The following SPAG1 variants were observed in gnomAD, a reference collection of about 807,000 sequenced individuals.
SPAG1 encodes the protein sperm-associated antigen 1.
A neutral mutation model predicts 100.5 loss-of-function variants in SPAG1; 69 were observed. The ratio of observed to expected loss-of-function variants is 0.69; its 90% CI spans 0.57 to 0.84. SPAG1 has a LOEUF of 0.84. Ranked by LOEUF, SPAG1 falls within the 40% of genes least tolerant of loss-of-function variation. The probability of loss-of-function intolerance (pLI) is 0.00; values close to 1 mark genes in which losing one functional copy is unlikely to be tolerated. For missense variants in SPAG1, 955 were observed against 1,133.1 expected, an observed-to-expected ratio of 0.84 and a Z score of 2.26; for synonymous variants, 336 against 411.6, an observed-to-expected ratio of 0.82 and a Z score of 2.22.
chr8:100,219,295 T>A (rs114708832), intron 12 of SPAG1, among the ~76,000 whole-genome samples: 1 of 152,224 alleles, frequency 6.6e-6, no homozygotes, highest in East Asian at 1.9e-4. Context: ...ACTTGTTATA[T>A]TAACTGTTTA....
intron 14 of SPAG1, among the ~76,000 whole-genome samples, chr8:100,229,389 A>G (rs1039302965): frequency 1.3e-5 from 2 of 152,080 alleles, no homozygotes; most frequent in African/African-American, 2.4e-5. Flanking sequence ...CACCCACCGC[A>G]CTCCAGCCCG....
At chr8:100,167,831 C>T (rs565206078) in intron 3 of SPAG1, among the ~76,000 whole-genome samples, 1 of 152,348 alleles carries the variant, frequency 6.6e-6, no homozygotes, top group South Asian at 2.1e-4. Context: ...GTGTAGACCC[C>T]ACTGCCTGGC....
At position 100,231,255 on chromosome 8, in the gene SPAG1, T is replaced by C; in HGVS notation, c.1955T>C (p.Ile652Thr). 6 of 1,599,564 alleles carry C rather than the reference T, an allele frequency of 3.8e-6. No individual in the cohort carries two copies. Among genetic ancestry groups the C allele is most frequent in the Non-Finnish European group, 5.1e-6 (6 of 1,170,506 alleles). Residue 652 changes from isoleucine to threonine, a missense_variant, in exon 15 of 19, where the codon ATT becomes ACT. Coordinates refer to ENST00000388798, the MANE Select transcript of SPAG1 (RefSeq NM_003114.5). Reference sequence around the variant, plus strand: ...AGTAAATACAGCGAATGCTTAAAGATTAACAATAAGGAATGTGCCATATAT... The same window carrying C: ...AGTAAATACAGCGAATGCTTAAAGACTAACAATAAGGAATGTGCCATATAT... ...ALSKYSECLK[I>T]NNKECAIYTN...
intron 3 of SPAG1, among the ~76,000 whole-genome samples, chr8:100,174,239 A>G (rs1277814723): frequency 6.6e-6 from 1 of 152,254 alleles, no homozygotes; most frequent in African/African-American, 2.4e-5. Flanking sequence ...TGTTATATAG[A>G]TTATATACTG....
intron 10 of SPAG1, among the ~76,000 whole-genome samples, chr8:100,196,055 C>G (rs1817017348): frequency 6.6e-6 from 1 of 152,190 alleles, no homozygotes; most frequent in South Asian, 2.1e-4. Context: ...GTATCATTGT[C>G]TCATTCCTTT....
At chr8:100,183,524 T>C (rs905171626) in intron 5 of SPAG1, 88 bp downstream of exon 5, 9 of 646,240 alleles carry the variant, frequency 1.4e-5, no homozygotes, top group Non-Finnish European at 2.4e-5. Flanking sequence ...ATAATTATTA[T>C]AAACCTTAAC....
chr8:100,203,363 C>T (rs1478159919), intron 10 of SPAG1, among the ~76,000 whole-genome samples: 1 of 152,082 alleles, frequency 6.6e-6, no homozygotes, highest in Non-Finnish European at 1.5e-5. Flanking sequence ...TTCTGTCCCT[C>T]TAGAGAAACC....
chr8:100,166,898 C>A (rs2132202782), intron 3 of SPAG1, among the ~76,000 whole-genome samples: 2 of 152,094 alleles, frequency 1.3e-5, no homozygotes, highest in East Asian at 3.9e-4. Flanking sequence ...CAGAGTGAGA[C>A]CCTGTCTAAA....
At chr8:100,224,682 G>A (rs1452776755) in intron 13 of SPAG1, among the ~76,000 whole-genome samples, 3 of 152,192 alleles carry the variant, frequency 2.0e-5, no homozygotes, top group Non-Finnish European at 4.4e-5. Flanking sequence ...GCCCTTACCA[G>A]TGTTGGCAGC....
chr8:100,209,838 C>A (rs1347579515), intron 10 of SPAG1, among the ~76,000 whole-genome samples: 1 of 151,092 alleles, frequency 6.6e-6, no homozygotes, highest in Non-Finnish European at 1.5e-5. Flanking sequence ...TGATCTTATA[C>A]CCTACAACTT....
intron 8 of SPAG1, 105 bp from the exon 9 acceptor site, chr8:100,191,285 C>T: frequency 1.4e-6 from 1 of 694,990 alleles, no homozygotes; most frequent in Non-Finnish European, 2.4e-6. Context: ...TGGGTAATTA[C>T]ATCCTAAAGT....
intron 16 of SPAG1, among the ~76,000 whole-genome samples, chr8:100,234,850 TG>T (rs1818932225): frequency 6.6e-6 from 1 of 151,872 alleles, no homozygotes; most frequent in Non-Finnish European, 1.5e-5. Flanking sequence ...ATTCTGAAGG[TG>T]ATGGAGCCTC....
chr8:100,198,344 T>TA (rs554320686), intron 10 of SPAG1, among the ~76,000 whole-genome samples: 3 of 151,578 alleles, frequency 2.0e-5, no homozygotes, highest in Admixed American at 6.6e-5. Flanking sequence ...TTAGGCGCCA[T>TA]AAAAAAAACT....
intron 16 of SPAG1, among the ~76,000 whole-genome samples, chr8:100,238,156 C>T (rs897802741): frequency 3.3e-5 from 5 of 152,178 alleles, no homozygotes; most frequent in Admixed American, 6.5e-5. Context: ...CTGCCTAGAA[C>T]GCTTAGGATA....
intron 10 of SPAG1, among the ~76,000 whole-genome samples, chr8:100,197,014 G>A (rs199541013): frequency 1.3e-5 from 2 of 151,882 alleles, no homozygotes; most frequent in African/African-American, 2.4e-5. Context: ...TCAGGCTCCC[G>A]AGTAAATGGG....
intron 11 of SPAG1, 45 bp from the exon 12 acceptor site, chr8:100,213,774 C>T: frequency 8.1e-7 from 1 of 1,229,176 alleles, no homozygotes. Context: ...GAACTGTGAT[C>T]TTGCTAATGG....
At chr8:100,191,299 C>G in intron 8 of SPAG1, 91 bp from the exon 9 acceptor site, 3 of 790,368 alleles carry the variant, frequency 3.8e-6, no homozygotes, top group Non-Finnish European at 6.3e-6. Flanking sequence ...CTAAAGTATT[C>G]TGTGCTGCTC....
At chr8:100,206,017 C>CAAAAAAAAAAA (rs574907013) in intron 10 of SPAG1, among the ~76,000 whole-genome samples, 20 of 77,346 alleles carry the variant, frequency 2.6e-4, no homozygotes, top group South Asian at 9.8e-4. Context: ...GACTCTGTCT[C>CAAAAAAAAAAA]AAAAAAAAAA....
intron 12 of SPAG1, among the ~76,000 whole-genome samples, chr8:100,215,478 TGTTTATAAGGTGA>T (rs1336645951): frequency 6.6e-6 from 1 of 152,244 alleles, no homozygotes; most frequent in Non-Finnish European, 1.5e-5. Context: ...ATGTGGACAC[TGTTTATAAGGTGA>T]GTAATGTATT....
Sources: allele counts gnomAD v4.1 joint callset (sites outside exome capture counted in the v4.1 genomes callset), GRCh38; gene constraint gnomAD v4.1.1; transcripts MANE v1.5; gene names NCBI Gene and HGNC (gene_info 2026-07-23, HGNC 2026-07-21).